The following HSPD1 variants were observed in gnomAD, a reference collection of about 807,000 sequenced individuals.
HSPD1 encodes the protein 60 kDa heat shock protein, mitochondrial.
HSPD1 carries 3 observed loss-of-function variants against 53.0 expected under a neutral mutation model. The observed-to-expected ratio is 0.06, with a 90% CI of 0.03 to 0.15. The LOEUF (loss-of-function observed/expected upper bound fraction) is 0.15, where lower values mean the gene tolerates loss of function less well. Among genes scored for constraint, HSPD1 ranks in the 10% least tolerant of loss-of-function variants. The pLI is 1.00. For missense variants in HSPD1, 431 were observed against 694.1 expected (o/e 0.62, Z 4.26); for synonymous variants, 200 against 228.0 (o/e 0.88, Z 1.10).
At chr2:197,496,461 C>T (rs1398459770) in intron 3 of HSPD1, among the ~76,000 whole-genome samples, 2 of 152,126 alleles carry the variant, frequency 1.3e-5, no homozygotes, top group Non-Finnish European at 2.9e-5. Context: ...CTCCCCCCAC[C>T]TTCACTTACA....
intron 8 of HSPD1, among the ~76,000 whole-genome samples, chr2:197,489,846 C>T (rs2086069431): frequency 6.7e-6 from 1 of 149,810 alleles, no homozygotes; most frequent in Non-Finnish European, 1.5e-5. Context: ...CAGATCAAGA[C>T]ACCCTGTCTC....
At chr2:197,494,397 G>GC in intron 5 of HSPD1, 147 bp from the exon 6 acceptor site, 1 of 653,116 alleles carries the variant, frequency 1.5e-6, no homozygotes, top group Non-Finnish European at 2.8e-6. Flanking sequence ...TTACACTTCT[G>GC]CAAAAAATCC....
chr2:197,488,009 T>C lies in HSPD1; in HGVS notation c.1418A>G (p.Lys473Arg), dbSNP rs2086047273. 1 of 1,610,046 alleles carries C rather than the reference T, an allele frequency of 6.2e-7. No individual in the cohort carries two copies. Among genetic ancestry groups the C allele is most frequent in the South Asian group, 1.1e-5 (1 of 90,760 alleles). Reference protein sequence around the residue: ...IGIEIIKRTLKIPAMTIAKNA... With the variant: ...IGIEIIKRTLRIPAMTIAKNA... ...CTTAGCAATGGTCATTGCTGGAATT[T>C]TGAGTGTTCTTTTAATAATTTCTAT... Residue 473 changes from lysine (K) to arginine (R), a missense_variant, in exon 11 of 12, where the codon AAA becomes AGA. Lys to Arg is a conservative substitution (Grantham distance 26, BLOSUM62 2). Coordinates refer to ENST00000388968, the MANE Select transcript of HSPD1 (RefSeq NM_002156.5).
At chr2:197,487,483 G>A (rs112115662) in intron 11 of HSPD1, among the ~76,000 whole-genome samples, 4,670 of 152,218 alleles carry the variant, frequency 0.031, 234 homozygotes, top group African/African-American at 0.1. Flanking sequence ...GGAGGTGGAG[G>A]TTGTCACTGC....
intron 3 of HSPD1, among the ~76,000 whole-genome samples, chr2:197,496,065 A>G (rs2086153513): frequency 6.6e-6 from 1 of 152,218 alleles, no homozygotes; most frequent in African/African-American, 2.4e-5. Context: ...CTTATTTTCA[A>G]CAAGAAGTAC....
chr2:197,488,853 G>C, intron 9 of HSPD1, 149 bp downstream of exon 9: 1 of 933,148 alleles, frequency 1.1e-6, no homozygotes, highest in African/African-American at 1.6e-5. Context: ...GGGTGACGAA[G>C]AGCTCAAAAC....
intron 2 of HSPD1, among the ~76,000 whole-genome samples, chr2:197,498,252 G>A (rs1349568327): frequency 1.3e-5 from 2 of 152,084 alleles, no homozygotes; most frequent in South Asian, 2.1e-4. Flanking sequence ...TTTATGTTGT[G>A]TACATTTTAC....
intron 4 of HSPD1, chr2:197,495,042 T>C (rs1038470354): frequency 8.4e-6 from 5 of 598,774 alleles, no homozygotes; most frequent in African/African-American, 3.7e-5. Flanking sequence ...TGACAATGGC[T>C]AAGAACATTT....
chr2:197,500,172 C>T (rs1357739752), upstream of HSPD1: 5 of 551,914 alleles, frequency 9.1e-6, no homozygotes, highest in African/African-American at 3.8e-5. Flanking sequence ...CGGCTGGGCG[C>T]CTAGAAAAGC....
At chr2:197,495,049 A>G (rs1400513230) in intron 4 of HSPD1, 4 of 599,208 alleles carry the variant, frequency 6.7e-6, no homozygotes, top group African/African-American at 5.6e-5. Flanking sequence ...GGCTAAGAAC[A>G]TTTTCACAAT....
At position 197,487,183 on chromosome 2, in the gene HSPD1, A is replaced by G; in HGVS notation, c.1585T>C (p.Leu529=). The change falls in exon 12 of 12, where the codon TTA becomes CTA. Residue 529 remains leucine (L), a synonymous_variant. Coordinates refer to ENST00000388968, the MANE Select transcript of HSPD1 (RefSeq NM_002156.5). ...IDPTKVVRTA[L]LDAAGVASLL... ...GAGGCCACACCAGCAGCATCCAATA[A>G]AGCAGTTCTCACAACCTAGAAAAAA... 6.2e-7 allele frequency: 1 copy of G among 1,613,234 alleles called. No homozygotes were observed. Among genetic ancestry groups the G allele is most frequent in the Non-Finnish European group, 8.5e-7 (1 of 1,179,228 alleles).
chr2:197,497,768 TTAACTA>T (rs2086176874), intron 2 of HSPD1, among the ~76,000 whole-genome samples: 1 of 152,234 alleles, frequency 6.6e-6, no homozygotes, highest in African/African-American at 2.4e-5. Flanking sequence ...TAAAATCCGT[TTAACTA>T]AAATATTAAC....
chr2:197,488,638 G>A, intron 9 of HSPD1, 147 bp from the exon 10 acceptor site: 1 of 801,168 alleles, frequency 1.2e-6, no homozygotes, highest in Admixed American at 1.8e-5. Context: ...GGAGGCTGAG[G>A]TGAGTGGATC....
At chr2:197,495,489 A>AAT in intron 3 of HSPD1, 113 bp from the exon 4 acceptor site, 3 of 538,238 alleles carry the variant, frequency 5.6e-6, no homozygotes, top group Non-Finnish European at 3.3e-6. Flanking sequence ...AAAAAAAAAA[A>AAT]TTTTTTTTTT....
At chr2:197,494,060 C>G (rs1172844623) in intron 6 of HSPD1, 97 bp downstream of exon 6, 1 of 679,686 alleles carries the variant, frequency 1.5e-6, no homozygotes, top group Non-Finnish European at 2.7e-6. Context: ...AACGCGCCAC[C>G]ACATCATGCC....
chr2:197,498,436 TTACTACC>T (rs1559304236), intron 2 of HSPD1, among the ~76,000 whole-genome samples: 1 of 152,166 alleles, frequency 6.6e-6, no homozygotes, highest in Non-Finnish European at 1.5e-5. Flanking sequence ...GAGCTGTAAG[TTACTACC>T]TGATTACATC....
chr2:197,488,305 G>T lies in HSPD1; in HGVS notation c.1390+12C>A, dbSNP rs776662187. 1.2e-5 allele frequency: 19 copies of T among 1,612,854 alleles called. No homozygotes were observed. The South Asian group carries it at 2.0e-4, about 17-fold the overall frequency. On this transcript the variant is annotated intron_variant, in intron 10 of 11. Coordinates refer to ENST00000388968, the MANE Select transcript of HSPD1 (RefSeq NM_002156.5). ...ATCAGGCCACAAACTCATTTAAAAGGTAACTTTTTACCAATTTTTTGATCT... is the reference window on the plus strand; with the variant it reads ...ATCAGGCCACAAACTCATTTAAAAGTTAACTTTTTACCAATTTTTTGATCT...
Position 197,488,477 on chromosome 2 carries a change from A to T in HSPD1, c.1230T>A (p.Ser410Arg), listed in dbSNP as rs756943837. Residue 410 changes from serine (S) to arginine (R), a missense_variant, in exon 10 of 12, where the codon AGT (serine) becomes AGA (arginine). Physicochemically the swap from Ser to Arg is moderately radical, Grantham distance 110. Transcript: ENST00000388968. ...GVAVLKVGGT[S>R]DVEVNEKKDR... ...CTTTCTTTTCATTCACTTCAACATCACTTGTCCCACCAACCTAAAGACGAA... is the reference window on the plus strand; with the variant it reads ...CTTTCTTTTCATTCACTTCAACATCTCTTGTCCCACCAACCTAAAGACGAA... 1 of 1,613,598 alleles carries T rather than the reference A, an allele frequency of 6.2e-7. No individual in the cohort carries two copies.
At chr2:197,489,353 TTGAAA>T in intron 8 of HSPD1, 106 bp from the exon 9 acceptor site, 1 of 1,184,046 alleles carries the variant, frequency 8.4e-7, no homozygotes, top group Non-Finnish European at 1.2e-6. Flanking sequence ...CTTTATTTCT[TTGAAA>T]TGAGAGATTT....
Sources: gnomAD v4.1 joint callset for allele counts (sites outside exome capture counted in the v4.1 genomes callset) on GRCh38, gnomAD v4.1.1 for gene constraint, MANE v1.5 for transcripts, NCBI Gene and HGNC (gene_info 2026-07-23, HGNC 2026-07-21) for gene names.